Variants in OTUD5 observed in about 807,000 individuals in gnomAD.
OTUD5 encodes OTU deubiquitinase 5.
OTUD5 carries 2 observed loss-of-function variants against 36.3 expected under a neutral mutation model. That is an observed-to-expected ratio of 0.06 (90% CI 0.02 to 0.17). OTUD5 has a LOEUF of 0.17. Ranked by LOEUF, OTUD5 falls within the 10% of genes least tolerant of loss-of-function variation. OTUD5 has a pLI of 1.00. For missense variants in OTUD5, 233 were observed against 512.3 expected (o/e 0.45, Z 5.26); for synonymous variants, 234 against 214.9 (o/e 1.09, Z -0.78).
At position 48,923,173 on chromosome X, in the gene OTUD5, A is replaced by T; in HGVS notation, c.*1T>A. On this transcript the variant is annotated 3_prime_UTR_variant, in exon 9 of 9. Transcript: ENST00000376488. The stretch of plus-strand genomic sequence containing the variant: ...GATGGTGTCCAATCCCTGGGTCTCC[A>T]TCAACTCTTGTCTGGGGGCGGGTCT... The T allele has an allele frequency of 8.3e-7, 1 of 1,210,395 alleles. No homozygotes were observed. Among genetic ancestry groups the T allele is most frequent in the Non-Finnish European group, 1.1e-6 (1 of 894,525 alleles).
At chrX:48,930,155 G>T (rs781804586) in intron 5 of OTUD5, among the ~76,000 whole-genome samples, 1 of 111,908 alleles carries the variant, frequency 8.9e-6, no homozygotes, top group African/African-American at 3.2e-5. Flanking sequence ...CATTTGAAGG[G>T]GGTGGGGGTA....
chrX:48,922,746 C>T lies in OTUD5; in HGVS notation c.*428G>A, dbSNP rs782017601. 2.1e-4 allele frequency: 160 copies of T among 759,585 alleles called. 2 individuals carry two copies. The South Asian group carries it at 9.6e-3, about 46-fold the overall frequency. The allele number at this position is 759,585 out of a possible 1,213,427, so 62.6% of individuals were successfully genotyped here. On this transcript the variant is annotated 3_prime_UTR_variant, in exon 9 of 9. Coordinates refer to ENST00000376488, the MANE Select transcript of OTUD5 (RefSeq NM_001136157.2). Reference sequence around the variant, plus strand: ...CCACTTCTTCCTCCCACCTCCCTGGCATCAGTGTCGGGGGGTGGCGGCAAG... The same window carrying T: ...CCACTTCTTCCTCCCACCTCCCTGGTATCAGTGTCGGGGGGTGGCGGCAAG...
chrX:48,932,481 C>T (rs1468336593), intron 5 of OTUD5, among the ~76,000 whole-genome samples: 10 of 109,747 alleles, frequency 9.1e-5, no homozygotes, highest in Admixed American at 4.9e-4. Flanking sequence ...TGTGCCACCA[C>T]ACCCGGCTAA....
At chrX:48,930,386 T>C (rs1234107093) in intron 5 of OTUD5, among the ~76,000 whole-genome samples, 1 of 111,760 alleles carries the variant, frequency 8.9e-6, no homozygotes, top group Non-Finnish European at 1.9e-5. Flanking sequence ...GAGAGGGAAT[T>C]TGCAGATGAA....
At chrX:48,931,917 G>A (rs1044904805) in intron 5 of OTUD5, among the ~76,000 whole-genome samples, 2 of 109,207 alleles carry the variant, frequency 1.8e-5, no homozygotes, top group Non-Finnish European at 3.8e-5. Flanking sequence ...TTGGGAGGCC[G>A]AGATGGGTGG....
At chrX:48,943,623 A>G (rs2063971084) in intron 2 of OTUD5, among the ~76,000 whole-genome samples, 1 of 111,387 alleles carries the variant, frequency 9.0e-6, no homozygotes, top group African/African-American at 3.3e-5. Flanking sequence ...ATGATATAAG[A>G]AATTTGTAAA....
At chrX:48,950,422 C>G (rs2064116027) in intron 1 of OTUD5, among the ~76,000 whole-genome samples, 1 of 110,641 alleles carries the variant, frequency 9.0e-6, no homozygotes, top group Admixed American at 9.6e-5. Context: ...GGTCTAAATT[C>G]TCCCTGAGAG....
chrX:48,923,440 G>A (rs1230705178), intron 8 of OTUD5, 145 bp from the exon 9 acceptor site: 10 of 574,941 alleles, frequency 1.7e-5, no homozygotes, highest in Admixed American at 9.4e-5. Context: ...TGCTAGGCCT[G>A]TGAAACCCCA....
intron 1 of OTUD5, among the ~76,000 whole-genome samples, chrX:48,953,036 T>C (rs782081614): frequency 1.8e-5 from 2 of 111,937 alleles, no homozygotes; most frequent in Non-Finnish European, 3.8e-5. Flanking sequence ...GGACAAACTT[T>C]TGCAAAATGG....
chrX:48,955,008 A>G (rs1490816280), intron 1 of OTUD5, among the ~76,000 whole-genome samples: 3 of 111,843 alleles, frequency 2.7e-5, no homozygotes, highest in Non-Finnish European at 5.7e-5. Flanking sequence ...CTCTCCCTGG[A>G]CAGAAAGGAT....
At chrX:48,924,961 G>A in intron 6 of OTUD5, among the ~76,000 whole-genome samples, 1 of 111,692 alleles carries the variant, frequency 9.0e-6, no homozygotes, top group Non-Finnish European at 1.9e-5. Flanking sequence ...CCACAGACTG[G>A]TAGTAGGTAT....
intron 1 of OTUD5, 111 bp downstream of exon 1, chrX:48,956,866 T>G: frequency 4.8e-6 from 4 of 833,048 alleles, no homozygotes; most frequent in Non-Finnish European, 6.4e-6. Flanking sequence ...TCAGGCCCAG[T>G]GAAAACGCCT....
At chrX:48,948,154 C>T (rs1220807480) in intron 1 of OTUD5, among the ~76,000 whole-genome samples, 1 of 112,415 alleles carries the variant, frequency 8.9e-6, no homozygotes, top group Non-Finnish European at 1.9e-5. Flanking sequence ...TTAAGACCAG[C>T]CTGGCCGACA....
chrX:48,956,146 T>C (rs782500791), intron 1 of OTUD5, among the ~76,000 whole-genome samples: 9 of 112,013 alleles, frequency 8.0e-5, no homozygotes, highest in Non-Finnish European at 1.7e-4. Flanking sequence ...CTCAGGCCAC[T>C]GATAGGAAAT....
intron 1 of OTUD5, among the ~76,000 whole-genome samples, chrX:48,946,491 A>G (rs1433788089): frequency 8.9e-6 from 1 of 111,834 alleles, no homozygotes; most frequent in African/African-American, 3.3e-5. Context: ...AGCCAGTCCC[A>G]TCATCAGGGC....
At chrX:48,932,317 A>C (rs1454267191) in intron 5 of OTUD5, among the ~76,000 whole-genome samples, 1 of 109,989 alleles carries the variant, frequency 9.1e-6, no homozygotes, top group Non-Finnish European at 1.9e-5. Context: ...ACAAAAACTT[A>C]AAACATTCAT....
intron 1 of OTUD5, among the ~76,000 whole-genome samples, chrX:48,947,036 A>C (rs1204957044): frequency 2.7e-5 from 3 of 112,045 alleles, no homozygotes; most frequent in African/African-American, 9.7e-5. Flanking sequence ...ACAGGTAACC[A>C]CCACAAGGTA....
chrX:48,942,624 G>A (rs1334029042), intron 2 of OTUD5, among the ~76,000 whole-genome samples: 2 of 109,107 alleles, frequency 1.8e-5, no homozygotes, highest in Non-Finnish European at 3.8e-5. Flanking sequence ...AGAGGGGTAG[G>A]AGGGATAAGT....
chrX:48,940,231 C>T (rs2063897950), intron 2 of OTUD5: 1 of 113,970 alleles, frequency 8.8e-6, no homozygotes, highest in East Asian at 2.8e-4. Flanking sequence ...ATGTGTGCTC[C>T]TCTGCTCAAG....
Sources: gnomAD v4.1 joint callset for allele counts (sites outside exome capture counted in the v4.1 genomes callset) on GRCh38, gnomAD v4.1.1 for gene constraint, MANE v1.5 for transcripts, NCBI Gene and HGNC (gene_info 2026-07-23, HGNC 2026-07-21) for gene names.